Variants in NOS1AP observed in about 807,000 individuals in gnomAD.
The protein encoded by NOS1AP is carboxyl-terminal PDZ ligand of neuronal nitric oxide synthase protein.
A neutral mutation model predicts 56.2 loss-of-function variants in NOS1AP; 21 were observed. That is an observed-to-expected ratio of 0.37 (90% confidence interval 0.26 to 0.54). NOS1AP has a LOEUF of 0.54. Among genes scored for constraint, NOS1AP ranks in the 20% least tolerant of loss-of-function variants. NOS1AP has a pLI of 0.84. For synonymous variants in NOS1AP, 270 were observed against 274.6 expected (o/e 0.98, Z 0.17); for missense variants, 522 against 657.8 (o/e 0.79, Z 2.26).
At chr1:162,310,962 C>G (rs1656007338) in intron 4 of NOS1AP, among the ~76,000 whole-genome samples, 1 of 152,170 alleles carries the variant, frequency 6.6e-6, no homozygotes, top group African/African-American at 2.4e-5. Context: ...TGCTCTGTCT[C>G]TCTGTCTTCC....
intron 1 of NOS1AP, among the ~76,000 whole-genome samples, chr1:162,148,998 G>T (rs1247677803): frequency 6.6e-6 from 1 of 152,196 alleles, no homozygotes; most frequent in Non-Finnish European, 1.5e-5. Flanking sequence ...CCTGGGGGCT[G>T]CTAATCAGGA....
chr1:162,213,928 G>C (rs557835227), intron 2 of NOS1AP, among the ~76,000 whole-genome samples: 1 of 152,124 alleles, frequency 6.6e-6, no homozygotes, highest in African/African-American at 2.4e-5. Flanking sequence ...TACTTGTCTC[G>C]TCTCATCTTC....
intron 2 of NOS1AP, among the ~76,000 whole-genome samples, chr1:162,200,067 G>A (rs933339709): frequency 6.6e-6 from 1 of 152,068 alleles, no homozygotes; most frequent in African/African-American, 2.4e-5. Flanking sequence ...CCTTGGCTTG[G>A]GTTCTTCCAT....
intron 2 of NOS1AP, among the ~76,000 whole-genome samples, chr1:162,276,157 G>A (rs773835921): frequency 6.6e-6 from 1 of 152,188 alleles, no homozygotes; most frequent in Non-Finnish European, 1.5e-5. Context: ...GTCAAGGCTG[G>A]TACTGGGGAT....
chr1:162,217,544 C>T (rs1419787340), intron 2 of NOS1AP, among the ~76,000 whole-genome samples: 24 of 152,140 alleles, frequency 1.6e-4, no homozygotes, highest in Admixed American at 6.5e-5. Context: ...GGATTACAGG[C>T]GTGAGCCACT....
At chr1:162,162,533 A>G (rs189106185) in intron 2 of NOS1AP, among the ~76,000 whole-genome samples, 8 of 152,236 alleles carry the variant, frequency 5.3e-5, no homozygotes, top group Non-Finnish European at 1.2e-4. Context: ...TCTGAGTATC[A>G]CCCTGTGTAT....
At chr1:162,221,532 GCGCACACACACACA>G (rs1233048295) in intron 2 of NOS1AP, among the ~76,000 whole-genome samples, 1 of 132,716 alleles carries the variant, frequency 7.5e-6, no homozygotes, top group Non-Finnish European at 1.5e-5. Flanking sequence ...ACACACACGC[GCGCACACACACACA>G]CACACACACA....
chr1:162,219,572 G>T (rs1571138017), intron 2 of NOS1AP, among the ~76,000 whole-genome samples: 1 of 152,136 alleles, frequency 6.6e-6, no homozygotes, highest in Non-Finnish European at 1.5e-5. Flanking sequence ...ACTGTTGCTG[G>T]CATCATCAGG....
intron 1 of NOS1AP, among the ~76,000 whole-genome samples, chr1:162,092,740 T>A (rs1692162674): frequency 6.6e-6 from 1 of 152,214 alleles, no homozygotes; most frequent in Admixed American, 6.5e-5. Context: ...TGTTGAGTAC[T>A]AAATTATATG....
At chr1:162,281,658 A>C (rs1481826260) in intron 2 of NOS1AP, among the ~76,000 whole-genome samples, 6 of 152,222 alleles carry the variant, frequency 3.9e-5, no homozygotes. Flanking sequence ...ATGCAATTAC[A>C]TGGAAGTGTG....
rs1378896314 is a variant in NOS1AP, at chr1:162,305,192, G to A, written c.344+4486G>A. On this transcript the variant is annotated intron_variant, in intron 4 of 9. Transcript: ENST00000361897. ...CATTTTTTAAGCATACAAATCAGTG[G>A]CATTAATTACATTGGTAGTCCTGTG... Among the ~76,000 whole-genome samples the A allele has an allele frequency of 2.0e-5, 3 of 152,022 alleles. No homozygotes were observed. The East Asian group carries it at 5.8e-4, about 29-fold the overall frequency.
intron 1 of NOS1AP, among the ~76,000 whole-genome samples, chr1:162,110,816 G>A (rs895133644): frequency 9.9e-5 from 15 of 152,148 alleles, no homozygotes; most frequent in African/African-American, 3.4e-4. Context: ...TATTTGCTGT[G>A]TGACATTGGA....
At chr1:162,245,050 G>A (rs556757982) in intron 2 of NOS1AP, among the ~76,000 whole-genome samples, 1 of 152,288 alleles carries the variant, frequency 6.6e-6, no homozygotes, top group African/African-American at 2.4e-5. Flanking sequence ...TGTAGAGGAG[G>A]AGGGGACAAG....
chr1:162,306,025 T>C (rs1655814459), intron 4 of NOS1AP, among the ~76,000 whole-genome samples: 1 of 152,210 alleles, frequency 6.6e-6, no homozygotes, highest in Non-Finnish European at 1.5e-5. Flanking sequence ...TGACTGTGAG[T>C]GTCCTGTAAT....
intron 2 of NOS1AP, among the ~76,000 whole-genome samples, chr1:162,264,475 C>CCTGTCCTCCT: frequency 1.0e-5 from 1 of 98,402 alleles, no homozygotes; most frequent in Non-Finnish European, 2.0e-5. Flanking sequence ...CCTCCCCTCC[C>CCTGTCCTCCT]CTCCCCTCCC....
At chr1:162,320,293 G>A (rs1466498517) in intron 4 of NOS1AP, among the ~76,000 whole-genome samples, 1 of 152,154 alleles carries the variant, frequency 6.6e-6, no homozygotes, top group African/African-American at 2.4e-5. Flanking sequence ...CTCAGGCAAG[G>A]ACTTGCCTCC....
At chr1:162,300,306 G>A (rs1168600813) in intron 3 of NOS1AP, among the ~76,000 whole-genome samples, 2 of 152,134 alleles carry the variant, frequency 1.3e-5, no homozygotes, top group African/African-American at 4.8e-5. Flanking sequence ...CCTCTTAGGG[G>A]TCACTCTGCA....
chr1:162,114,268 A>T (rs1045968252), intron 1 of NOS1AP, among the ~76,000 whole-genome samples: 1 of 152,122 alleles, frequency 6.6e-6, no homozygotes, highest in Non-Finnish European at 1.5e-5. Context: ...GAAGAGACTT[A>T]TTGCAAAGAA....
intron 1 of NOS1AP, among the ~76,000 whole-genome samples, chr1:162,099,899 T>C (rs1571009234): frequency 6.6e-6 from 1 of 151,792 alleles, no homozygotes; most frequent in East Asian, 1.9e-4. Flanking sequence ...TTTTTGTCCT[T>C]GCGATAGTTT....
Sources: gnomAD v4.1 joint callset for allele counts (sites outside exome capture counted in the v4.1 genomes callset) on GRCh38, gnomAD v4.1.1 for gene constraint, MANE v1.5 for transcripts, NCBI Gene and HGNC (gene_info 2026-07-23, HGNC 2026-07-21) for gene names.